Variants in DOCK9 observed in about 807,000 individuals in gnomAD.
The protein encoded by DOCK9 is dedicator of cytokinesis 9, also known as dedicator of cytokinesis protein 9.
A neutral mutation model predicts 263.3 loss-of-function variants in DOCK9; 89 were observed. The ratio of observed to expected loss-of-function variants is 0.34; its 90% CI spans 0.28 to 0.40. The LOEUF (loss-of-function observed/expected upper bound fraction) is 0.40, where lower values mean the gene tolerates loss of function less well. Among genes scored for constraint, DOCK9 ranks in the 10% least tolerant of loss-of-function variants. The probability of loss-of-function intolerance (pLI) is 1.00; values close to 1 mark genes in which losing one functional copy is unlikely to be tolerated. For synonymous variants in DOCK9, 976 were observed against 973.1 expected, an observed-to-expected ratio of 1.00 and a Z score of -0.06; for missense variants, 2,140 against 2,603.4, an observed-to-expected ratio of 0.82 and a Z score of 3.87.
At chr13:99,019,799 A>G (rs998683111) in intron 1 of DOCK9, among the ~76,000 whole-genome samples, 1 of 152,174 alleles carries the variant, frequency 6.6e-6, no homozygotes, top group African/African-American at 2.4e-5. Context: ...CAAAGCTGCT[A>G]TTAAGAATCG....
chr13:98,871,314 A>G (rs1163902783), intron 27 of DOCK9, among the ~76,000 whole-genome samples: 1 of 152,246 alleles, frequency 6.6e-6, no homozygotes. Context: ...TGCACTTATT[A>G]GAAAATATAG....
chr13:98,799,355 T>C (rs2089835088), intron 50 of DOCK9, among the ~76,000 whole-genome samples: 1 of 152,226 alleles, frequency 6.6e-6, no homozygotes, highest in Admixed American at 6.5e-5. Context: ...TACACACATG[T>C]ACATATACAT....
At chr13:98,912,203 T>C (rs1469403318) in intron 9 of DOCK9, among the ~76,000 whole-genome samples, 2 of 152,194 alleles carry the variant, frequency 1.3e-5, no homozygotes, top group African/African-American at 4.8e-5. Flanking sequence ...AATCACATGT[T>C]TAGCTAAATA....
chr13:98,920,797 A>G (rs79262801), intron 7 of DOCK9, among the ~76,000 whole-genome samples, 157 bp downstream of exon 7: 4,674 of 152,330 alleles, frequency 0.031, 237 homozygotes, highest in African/African-American at 0.11. Context: ...CATCTTCTAC[A>G]ATGATGAAAA....
intron 34 of DOCK9, among the ~76,000 whole-genome samples, chr13:98,854,205 T>G (rs144724611): frequency 3.6e-5 from 5 of 138,670 alleles, no homozygotes; most frequent in African/African-American, 1.3e-4. Context: ...ATTTTGCCAC[T>G]AGGCAGCAGG....
chr13:98,864,365 T>C (rs2093959451), intron 30 of DOCK9, among the ~76,000 whole-genome samples: 1 of 152,134 alleles, frequency 6.6e-6, no homozygotes, highest in Admixed American at 6.5e-5. Context: ...GAAGATAAAA[T>C]ACAATTTCAG....
At chr13:99,086,352 C>T (rs1402401571) in exon 1 of DOCK9, 3 of 1,359,696 alleles carry the variant, frequency 2.2e-6, no homozygotes, top group Non-Finnish European at 2.8e-6. Flanking sequence ...GCTGCGACAT[C>T]CTCCTGCCCC....
chr13:99,079,765 C>T (rs6491480), intron 1 of DOCK9, among the ~76,000 whole-genome samples: 33,320 of 151,990 alleles, frequency 0.22, 3,629 homozygotes, highest in Middle Eastern at 0.31. Flanking sequence ...CCAGGCCGGG[C>T]GTGGTGGCTC....
intron 38 of DOCK9, 116 bp downstream of exon 38, chr13:98,845,808 G>A (rs1443887408): frequency 2.9e-6 from 4 of 1,362,606 alleles, no homozygotes; most frequent in Non-Finnish European, 4.0e-6. Flanking sequence ...CATCCTACTT[G>A]CTTTGAGCTA....
Position 98,984,711 on chromosome 13 carries a change from C to T in DOCK9, c.130-29160G>A, listed in dbSNP as rs1878036249. ...GAAGCTCATGCTGGGGTTCTAGCCA[C>T]TCACTATGCCCCACAACAGCTGTGT... On this transcript the variant is annotated intron_variant, in intron 1 of 32. Transcript: ENST00000427887. Among the ~76,000 whole-genome samples, 3 of 152,178 alleles carry T rather than the reference C, an allele frequency of 2.0e-5. No homozygotes were observed. In the South Asian group the frequency reaches 6.2e-4, roughly 32 times the overall value.
chr13:98,935,910 T>C (rs1244538024), intron 2 of DOCK9, among the ~76,000 whole-genome samples: 1 of 152,244 alleles, frequency 6.6e-6, no homozygotes, highest in Non-Finnish European at 1.5e-5. Flanking sequence ...TCTAATTCAT[T>C]GCCCTTGCTC....
At chr13:98,937,971 C>T (rs2055169436) in intron 2 of DOCK9, among the ~76,000 whole-genome samples, 1 of 152,212 alleles carries the variant, frequency 6.6e-6, no homozygotes, top group Admixed American at 6.5e-5. Context: ...CTAAAGGGAG[C>T]AAGTGGAGGT....
chr13:98,800,372 C>T lies in DOCK9; in HGVS notation c.5832G>A (p.Val1944=). The T allele has an allele frequency of 6.2e-7, 1 of 1,613,926 alleles. No individual in the cohort carries two copies. Among genetic ancestry groups the T allele is most frequent in the South Asian group, 1.1e-5 (1 of 91,040 alleles). Residue 1944 remains valine (V), a synonymous_variant, in exon 50 of 53, where the codon GTG becomes GTA. Transcript: ENST00000682017. ...EVAIDEMSKK[V]AELRQLCSSA... ...AGGAGCACAGCTGCCGGAGCTCCGC[C>T]ACCTTCTTACTCATCTCGTCAATGG...
chr13:99,013,936 G>A (rs920913128), intron 1 of DOCK9, among the ~76,000 whole-genome samples: 1 of 152,136 alleles, frequency 6.6e-6, no homozygotes, highest in Admixed American at 6.5e-5. Context: ...GTGAGAGGGC[G>A]CATCTTTCCA....
Position 98,805,987 on chromosome 13 carries a change from C to T in DOCK9, c.5515-778G>A, listed in dbSNP as rs552420697. Among the ~76,000 whole-genome samples the T allele has an allele frequency of 9.5e-4, 145 of 152,210 alleles. 1 individual carries two copies. The highest frequency in any genetic ancestry group is 1.8e-3 in the Admixed American group (28 of 15,284). ...GTTGGTCAGGCTGGTCTCGAACTCC[C>T]GACCTCAGGTGATCCGCCCGCCTTG... On this transcript the variant is annotated intron_variant, in intron 48 of 52. Transcript: ENST00000682017.
intron 45 of DOCK9, among the ~76,000 whole-genome samples, chr13:98,822,404 A>G (rs1404906040): frequency 6.6e-6 from 1 of 152,202 alleles, no homozygotes; most frequent in East Asian, 1.9e-4. Context: ...GCTCTGCAGG[A>G]TAGGTCACTA....
At chr13:98,826,241 A>G (rs1312529084) in intron 44 of DOCK9, among the ~76,000 whole-genome samples, 1 of 152,142 alleles carries the variant, frequency 6.6e-6, no homozygotes, top group East Asian at 1.9e-4. Flanking sequence ...AAATGTCACC[A>G]TTTGGGGCTG....
At chr13:98,937,769 A>T (rs2055134601) in intron 2 of DOCK9, among the ~76,000 whole-genome samples, 2 of 151,972 alleles carry the variant, frequency 1.3e-5, no homozygotes, top group South Asian at 4.1e-4. Flanking sequence ...CTCCCAGAAT[A>T]AAAAGAGTGA....
At chr13:98,908,507 A>T (rs2049468254) in intron 9 of DOCK9, among the ~76,000 whole-genome samples, 1 of 152,242 alleles carries the variant, frequency 6.6e-6, no homozygotes, top group African/African-American at 2.4e-5. Context: ...TAAACTGTGC[A>T]GTAGCAATAG....
Sources: allele counts gnomAD v4.1 joint callset (sites outside exome capture counted in the v4.1 genomes callset), GRCh38; gene constraint gnomAD v4.1.1; transcripts MANE v1.5; gene names NCBI Gene and HGNC (gene_info 2026-07-23, HGNC 2026-07-21).